BLZF1: variants seen among roughly 807,000 people sequenced by gnomAD.
BLZF1 encodes the protein golgin-45.
BLZF1 carries 39 observed loss-of-function variants against 43.8 expected under a neutral mutation model. The observed-to-expected ratio is 0.89, with a 90% CI of 0.69 to 1.16. The LOEUF (loss-of-function observed/expected upper bound fraction) is 1.16. Ranked by LOEUF, BLZF1 falls within the 50% of genes most tolerant of loss-of-function variation. The pLI is 0.00. For missense variants in BLZF1, 449 were observed against 469.8 expected (o/e 0.96, Z 0.41); for synonymous variants, 136 against 159.4 (o/e 0.85, Z 1.11).
rs1654374731 is a variant in BLZF1, at chr1:169,376,931, A to G, written c.420A>G (p.Leu140=). ...LEKLKNSERR[L]LQDKEGLSNQ... is the part of the protein sequence containing the mutation. ...AGCTCAAGAATTCTGAAAGAAGGTT[A>G]CTACAGGACAAAGAAGGTCTTTCAA... The change falls in exon 3 of 7, where the codon TTA becomes TTG. Residue 140 remains leucine, a synonymous_variant. Coordinates refer to ENST00000367808, the MANE Select transcript of BLZF1 (RefSeq NM_001320973.2). 3 of 1,613,292 alleles carry G rather than the reference A, an allele frequency of 1.9e-6. No individual in the cohort carries two copies. The highest frequency in any genetic ancestry group is 2.7e-5 in the African/African-American group (2 of 75,024).
In BLZF1 at chr1:169,382,234, T is replaced by A. The variant is rs1654547379; in HGVS notation, c.970T>A (p.Ser324Thr). The part of the protein sequence containing the change: ...VGINNQKKIP[S>T]TVEFCSTPAE... ...CATTAACAATCAAAAAAAGATTCCA[T>A]CAACAGTTGAATTCTGCAGCACCCC... The change falls in exon 6 of 7, where the codon TCA (serine) becomes ACA (threonine). Residue 324 changes from serine (S) to threonine (T), a missense_variant. Ser to Thr is a moderately conservative substitution (Grantham distance 58, BLOSUM62 1). Transcript: ENST00000367808. 1 of 1,613,762 alleles carries A rather than the reference T, an allele frequency of 6.2e-7. No individual in the cohort carries two copies. Among genetic ancestry groups the A allele is most frequent in the African/African-American group, 1.3e-5 (1 of 75,014 alleles).
intron 5 of BLZF1, among the ~76,000 whole-genome samples, chr1:169,381,797 A>G (rs1015667174): frequency 1.1e-4 from 17 of 152,298 alleles, no homozygotes; most frequent in African/African-American, 4.1e-4. Context: ...CAAATTATGT[A>G]AGTAGTTCCT....
chr1:169,392,526 G>A (rs1160548370), downstream of BLZF1, among the ~76,000 whole-genome samples: 1 of 152,224 alleles, frequency 6.6e-6, no homozygotes, highest in South Asian at 2.1e-4. Flanking sequence ...GAACCTCTAT[G>A]TGATATTGCG....
chr1:169,369,785 A>T (rs1339406428), intron 2 of BLZF1, among the ~76,000 whole-genome samples: 1 of 145,576 alleles, frequency 6.9e-6, no homozygotes, highest in African/African-American at 2.8e-5. Context: ...ATTTAATGTT[A>T]ATGCAAAGTT....
At chr1:169,381,940 G>C in intron 5 of BLZF1, 122 bp from the exon 6 acceptor site, 1 of 766,438 alleles carries the variant, frequency 1.3e-6, no homozygotes, top group Non-Finnish European at 2.1e-6. Flanking sequence ...AACTCTGAGA[G>C]AGAAAGGGAT....
In BLZF1 at chr1:169,376,535, G is replaced by C. The variant is rs1182732677; in HGVS notation, c.29-5G>C. On this transcript the variant is annotated splice_region_variant and splice_polypyrimidine_tract_variant and intron_variant, in intron 2 of 6. Transcript: ENST00000367808. ...GTAGTTTCTGTTTTGTTTCCTTTTT[G>C]TTAGTCACCGTTACTTCATCCCCAA... 1.3e-5 allele frequency: 20 copies of C among 1,569,234 alleles called. No individual in the cohort carries two copies. The highest frequency in any genetic ancestry group is 1.6e-5 in the Non-Finnish European group (19 of 1,163,594).
intron 2 of BLZF1, 77 bp downstream of exon 2, chr1:169,369,627 A>T: frequency 9.2e-7 from 1 of 1,085,188 alleles, no homozygotes; most frequent in Middle Eastern, 2.0e-4. Context: ...CCAGATAACT[A>T]GATCTCATGG....
In BLZF1 at chr1:169,377,018, T is replaced by TA. The variant is rs538684544; in HGVS notation, c.468+39_468+40insA. The TA allele has an allele frequency of 2.2e-3, 3,347 of 1,528,330 alleles. 24 individuals carry two copies. Among genetic ancestry groups the TA allele is most frequent in the Middle Eastern group, 8.4e-3 (49 of 5,818 alleles). The allele number at this position is 1,528,330 out of a possible 1,614,324, so 94.7% of individuals were successfully genotyped here. ...TAATCGATAAAATGAGTACTACTCT[T>TA]TACGTCTGGACCTTTTAAACGTGCA... On this transcript the variant is annotated intron_variant, in intron 3 of 6. Transcript: ENST00000367808.
intron 7 of BLZF1, among the ~76,000 whole-genome samples, chr1:169,393,588 GA>G (rs150627012): frequency 0.28 from 38,440 of 139,556 alleles, 6,281 homozygotes; most frequent in Non-Finnish European, 0.39. Flanking sequence ...CTGTCTAAGG[GA>G]AAAAAAAAAA....
chr1:169,379,179 G>A (rs907113789), intron 4 of BLZF1, among the ~76,000 whole-genome samples: 5 of 151,806 alleles, frequency 3.3e-5, no homozygotes, highest in Non-Finnish European at 5.9e-5. Flanking sequence ...CTGGAACTTA[G>A]CAAAATACTT....
intron 2 of BLZF1, among the ~76,000 whole-genome samples, chr1:169,370,272 G>T (rs1009671980): frequency 1.3e-5 from 2 of 152,228 alleles, no homozygotes; most frequent in Non-Finnish European, 2.9e-5. Flanking sequence ...CATCTGCAGT[G>T]ATCCTGTTTC....
chr1:169,382,009 T>A (rs926542311), intron 5 of BLZF1, 53 bp from the exon 6 acceptor site: 1 of 1,333,940 alleles, frequency 7.5e-7, no homozygotes, highest in African/African-American at 1.5e-5. Context: ...CTATTATTAA[T>A]TTTTACATTT....
downstream of BLZF1, among the ~76,000 whole-genome samples, chr1:169,390,102 TAC>T (rs1375595139): frequency 6.6e-6 from 1 of 152,192 alleles, no homozygotes; most frequent in Non-Finnish European, 1.5e-5. Context: ...TGGTAAATTT[TAC>T]ACGTTACAAT....
At chr1:169,382,361 T>G in intron 6 of BLZF1, 80 bp downstream of exon 6, 1 of 1,263,026 alleles carries the variant, frequency 7.9e-7, no homozygotes, top group Non-Finnish European at 1.1e-6. Flanking sequence ...GGAAAGCATT[T>G]GGCATTAGGA....
intron 6 of BLZF1, 136 bp from the exon 7 acceptor site, chr1:169,386,861 G>T (rs1307304106): frequency 5.1e-6 from 3 of 588,600 alleles, no homozygotes; most frequent in Non-Finnish European, 5.7e-6. Flanking sequence ...TTTTCAATCA[G>T]ATTAGTCATT....
In BLZF1 at chr1:169,387,793, A is replaced by G. The variant is rs1654717004; in HGVS notation, c.*611A>G. Reference sequence around the variant, plus strand: ...GGGTGAAGGGATTAATCTTTTAAAAATAAATGCTATATATTAGGAAAATAA... The same window carrying G: ...GGGTGAAGGGATTAATCTTTTAAAAGTAAATGCTATATATTAGGAAAATAA... On this transcript the variant is annotated 3_prime_UTR_variant, in exon 7 of 7. Transcript: ENST00000367808. 1 of 152,248 alleles carries G rather than the reference A, an allele frequency of 6.6e-6. No individual in the cohort carries two copies. Among genetic ancestry groups the G allele is most frequent in the African/African-American group, 2.4e-5 (1 of 41,464 alleles). 9.4% of individuals were successfully genotyped at this position (152,248 alleles called of 1,614,324 possible). A position where few individuals can be genotyped will look rare whatever the true frequency, so the allele number is the denominator to read the frequency against.
rs1335568279 is a variant in BLZF1, at chr1:169,388,008, C to G, written c.*826C>G. 6.6e-6 allele frequency: 1 copy of G among 151,826 alleles called. No individual in the cohort carries two copies. The highest frequency in any genetic ancestry group is 6.6e-5 in the Admixed American group (1 of 15,260). 9.4% of individuals were successfully genotyped at this position (151,826 alleles called of 1,614,324 possible). The stretch of plus-strand genomic sequence containing the variant: ...ATATTTATAAAAGGTAGACTTTTTC[C>G]AAAAGTGTATAAGCTCAAAGAAAAA... On this transcript the variant is annotated 3_prime_UTR_variant, in exon 7 of 7. Coordinates refer to ENST00000367808, the MANE Select transcript of BLZF1 (RefSeq NM_001320973.2).
At chr1:169,393,588 GAA>G (rs150627012) in intron 7 of BLZF1, among the ~76,000 whole-genome samples, 1 of 139,650 alleles carries the variant, frequency 7.2e-6, no homozygotes, top group Non-Finnish European at 1.5e-5. Context: ...CTGTCTAAGG[GAA>G]AAAAAAAAAC....
rs1654011816 is a variant in BLZF1, at chr1:169,369,143, C to T, written c.-50-330C>T. Among the ~76,000 whole-genome samples, 4 of 152,084 alleles carry T rather than the reference C, an allele frequency of 2.6e-5. No individual in the cohort carries two copies. The South Asian group carries it at 8.3e-4, about 32-fold the overall frequency. On this transcript the variant is annotated intron_variant, in intron 1 of 6. Transcript: ENST00000367808. ...CTAAGAAAGTAATTACTTTAAAATT[C>T]CTCTTGTCATATGGATGACAAAACC...
Sources: allele counts gnomAD v4.1 joint callset (sites outside exome capture counted in the v4.1 genomes callset), GRCh38; gene constraint gnomAD v4.1.1; transcripts MANE v1.5; gene names NCBI Gene and HGNC (gene_info 2026-07-23, HGNC 2026-07-21).